The following NTN1 variants were observed in gnomAD, a reference collection of about 807,000 sequenced individuals.
NTN1 encodes netrin-1.
A neutral mutation model predicts 54.2 loss-of-function variants in NTN1; 11 were observed. That is an observed-to-expected ratio of 0.20 (90% CI 0.13 to 0.34). NTN1 has a LOEUF of 0.34. NTN1 is among the 10% of genes least tolerant of loss of function. The pLI is 1.00. For synonymous variants in NTN1, 371 were observed against 382.0 expected (o/e 0.97, Z 0.33); for missense variants, 740 against 893.1 (o/e 0.83, Z 2.18).
chr17:9,226,486 G>A (rs1203668802), intron 6 of NTN1, among the ~76,000 whole-genome samples: 1 of 54,728 alleles, frequency 1.8e-5, no homozygotes, highest in South Asian at 7.0e-4. Context: ...GTGGGGAGGC[G>A]GTCTCGTGGG....
At chr17:9,228,387 A>T (rs551821309) in intron 6 of NTN1, among the ~76,000 whole-genome samples, 1 of 152,280 alleles carries the variant, frequency 6.6e-6, no homozygotes, top group Non-Finnish European at 1.5e-5. Flanking sequence ...GGGAGGCTGG[A>T]GAGAGGCTGG....
chr17:9,137,302 A>T (rs1041638368), intron 2 of NTN1, among the ~76,000 whole-genome samples: 3 of 152,052 alleles, frequency 2.0e-5, no homozygotes, highest in African/African-American at 7.2e-5. Flanking sequence ...CCCCCACCCC[A>T]TGCCAGTAAT....
At chr17:9,223,234 A>G (rs945232447) in intron 6 of NTN1, among the ~76,000 whole-genome samples, 2 of 152,186 alleles carry the variant, frequency 1.3e-5, no homozygotes, top group Non-Finnish European at 2.9e-5. Context: ...CAAGCCAGGA[A>G]AGTAGGGGCC....
At chr17:9,094,406 G>GGT (rs2092123254) in intron 2 of NTN1, among the ~76,000 whole-genome samples, 1 of 151,332 alleles carries the variant, frequency 6.6e-6, no homozygotes, top group Non-Finnish European at 1.5e-5. Context: ...TGAGTCAGAG[G>GGT]GTGTGTGTGT....
At chr17:9,137,008 C>G (rs2092283350) in intron 2 of NTN1, among the ~76,000 whole-genome samples, 1 of 152,178 alleles carries the variant, frequency 6.6e-6, no homozygotes, top group Non-Finnish European at 1.5e-5. Flanking sequence ...CTCAGGATTC[C>G]TGGTGGTGTT....
At chr17:9,218,535 C>T (rs1432124534) in intron 5 of NTN1, among the ~76,000 whole-genome samples, 1 of 152,172 alleles carries the variant, frequency 6.6e-6, no homozygotes, top group African/African-American at 2.4e-5. Flanking sequence ...CCCAGGTAGA[C>T]ACTTGGCTCT....
At chr17:9,056,959 C>T (rs943162760) in intron 2 of NTN1, among the ~76,000 whole-genome samples, 24 of 152,142 alleles carry the variant, frequency 1.6e-4, no homozygotes, top group Non-Finnish European at 2.6e-4. Flanking sequence ...CCCCCCGTCT[C>T]GTCCCTTCAA....
At chr17:9,040,532 A>G (rs1485395495) in intron 2 of NTN1, among the ~76,000 whole-genome samples, 1 of 152,176 alleles carries the variant, frequency 6.6e-6, no homozygotes, top group Non-Finnish European at 1.5e-5. Flanking sequence ...CTGGACTTCA[A>G]CTATATATAT....
At chr17:9,190,936 A>T (rs553120663) in intron 5 of NTN1, among the ~76,000 whole-genome samples, 5 of 152,356 alleles carry the variant, frequency 3.3e-5, no homozygotes, top group Admixed American at 6.5e-5. Context: ...GTCAGTGCAG[A>T]AAAGAATGAA....
At chr17:9,069,427 A>G (rs2092025877) in intron 2 of NTN1, among the ~76,000 whole-genome samples, 1 of 152,212 alleles carries the variant, frequency 6.6e-6, no homozygotes, top group African/African-American at 2.4e-5. Flanking sequence ...ACATTTTCTC[A>G]TTTCGTATTT....
At chr17:9,114,162 A>ATATATATATATATATAT (rs1180136945) in intron 2 of NTN1, among the ~76,000 whole-genome samples, 9 of 84,238 alleles carry the variant, frequency 1.1e-4, no homozygotes, top group Non-Finnish European at 1.7e-4. Flanking sequence ...AGAAAAAAAA[A>ATATATATATATATATAT]AAAAATATAT....
chr17:9,143,490 T>C (rs375882386), intron 2 of NTN1, among the ~76,000 whole-genome samples: 2,381 of 152,314 alleles, frequency 0.016, 62 homozygotes, highest in African/African-American at 0.055. Flanking sequence ...CCCTTTTGGT[T>C]TTTACATTGC....
chr17:9,018,458 C>T (rs1236348324), upstream of NTN1, among the ~76,000 whole-genome samples: 1 of 151,850 alleles, frequency 6.6e-6, no homozygotes, highest in Non-Finnish European at 1.5e-5. Flanking sequence ...ATGGTGAAAC[C>T]CCGTCTCTAC....
chr17:9,050,078 C>T (rs1346679386), intron 2 of NTN1, among the ~76,000 whole-genome samples: 1 of 151,716 alleles, frequency 6.6e-6, no homozygotes, highest in Non-Finnish European at 1.5e-5. Context: ...AACCCCGTCT[C>T]TACTAAAAAT....
intron 2 of NTN1, among the ~76,000 whole-genome samples, chr17:9,085,684 C>T (rs1420255256): frequency 6.6e-6 from 1 of 152,222 alleles, no homozygotes; most frequent in Admixed American, 6.5e-5. Flanking sequence ...CAGTGACACA[C>T]AAGAGAGGAC....
At chr17:9,032,099 C>G (rs9891446) in intron 2 of NTN1, among the ~76,000 whole-genome samples, 40,883 of 152,014 alleles carry the variant, frequency 0.27, 5,653 homozygotes, top group South Asian at 0.37. Flanking sequence ...TAACCCTGAA[C>G]AGGGATAGGC....
intron 2 of NTN1, among the ~76,000 whole-genome samples, chr17:9,109,097 G>A (rs1205762690): frequency 2.6e-5 from 4 of 152,074 alleles, no homozygotes; most frequent in East Asian, 1.9e-4. Context: ...GGCTGGTCTC[G>A]AACTCCTGAC....
chr17:9,058,010 C>T (rs1311709788), intron 2 of NTN1, among the ~76,000 whole-genome samples: 1 of 152,222 alleles, frequency 6.6e-6, no homozygotes, highest in Non-Finnish European at 1.5e-5. Flanking sequence ...GCCTCAGCCT[C>T]CCGAGTAGCT....
rs553508867 is a variant in NTN1 at position 9,150,639 on chromosome 17, A to G, written c.1019-12174A>G. 3.3e-3 allele frequency among the ~76,000 whole-genome samples: 498 copies of G among 152,320 alleles called. 1 individual carries two copies. The highest frequency in any genetic ancestry group is 6.8e-3 in the Middle Eastern group (2 of 294). On this transcript the variant is annotated intron_variant, in intron 2 of 6. Coordinates refer to ENST00000173229, the MANE Select transcript of NTN1 (RefSeq NM_004822.3). ...CCCGCCCGCCGGGCAGGCGGAGAGA[A>G]GGATGTTTGTGCAGCAGGAACCCTG...
Sources: allele counts gnomAD v4.1 joint callset (sites outside exome capture counted in the v4.1 genomes callset), GRCh38; gene constraint gnomAD v4.1.1; transcripts MANE v1.5; gene names NCBI Gene and HGNC (gene_info 2026-07-23, HGNC 2026-07-21).